PNLIPRP3: variants seen among roughly 807,000 people sequenced by gnomAD.
The protein encoded by PNLIPRP3 is pancreatic lipase related protein 3.
A neutral mutation model predicts 52.8 loss-of-function variants in PNLIPRP3; 58 were observed. That is an observed-to-expected ratio of 1.10 (90% CI 0.89 to 1.37). PNLIPRP3 has a LOEUF of 1.37. Ranked by LOEUF, PNLIPRP3 falls within the 40% of genes most tolerant of loss-of-function variation. The pLI, the probability that PNLIPRP3 is intolerant of heterozygous loss-of-function variation, is 0.00. For synonymous variants in PNLIPRP3, 192 were observed against 185.0 expected (o/e 1.04, Z -0.31); for missense variants, 593 against 561.6 (o/e 1.06, Z -0.57).
chr10:116,443,785 GTA>G (rs755286511), intron 3 of PNLIPRP3, among the ~76,000 whole-genome samples: 1,295 of 18,794 alleles, frequency 0.069, 29 homozygotes, highest in Non-Finnish European at 0.19. Flanking sequence ...GTGTGTGTGT[GTA>G]TGTATGTGTG....
At chr10:116,467,121 G>A (rs1263466701) in intron 8 of PNLIPRP3, among the ~76,000 whole-genome samples, 1 of 152,176 alleles carries the variant, frequency 6.6e-6, no homozygotes, top group African/African-American at 2.4e-5. Context: ...CCAAATTGGA[G>A]TACCCTTAGA....
At chr10:116,469,130 TGA>T (rs1846326028) in intron 8 of PNLIPRP3, 53 bp from the exon 9 acceptor site, 1 of 1,514,660 alleles carries the variant, frequency 6.6e-7, no homozygotes, top group Non-Finnish European at 9.0e-7. Context: ...GCGAGTTTAT[TGA>T]AGGACAACAT....
Position 116,477,265 on chromosome 10 carries a change from A to G in PNLIPRP3, c.*112A>G, listed in dbSNP as rs1846487981. On this transcript the variant is annotated 3_prime_UTR_variant, in exon 12 of 12. Transcript: ENST00000369230. ...CCTTGTAAATGACTTAGTCATTTAC[A>G]AGGGTCTTACTCAGAGTCAAGTACG... is the stretch of plus-strand genomic sequence containing the variant. The G allele has an allele frequency of 3.7e-6, 3 of 821,146 alleles. No individual in the cohort carries two copies. Among genetic ancestry groups the G allele is most frequent in the East Asian group, 5.2e-5 (2 of 38,398 alleles). 50.9% of individuals were successfully genotyped at this position (821,146 alleles called of 1,614,324 possible).
intron 4 of PNLIPRP3, among the ~76,000 whole-genome samples, chr10:116,454,153 C>T (rs1174011106): frequency 1.3e-5 from 2 of 152,022 alleles, no homozygotes; most frequent in Admixed American, 1.3e-4. Flanking sequence ...GAGTTTCGCT[C>T]TGTTGCCCAG....
At position 116,428,005 on chromosome 10, in the gene PNLIPRP3, C is replaced by A; in HGVS notation, c.-8C>A. The A allele has an allele frequency of 6.2e-7, 1 of 1,604,998 alleles. No individual in the cohort carries two copies. Among genetic ancestry groups the A allele is most frequent in the South Asian group, 1.1e-5 (1 of 90,162 alleles). ...AAGATTTTTATGTGATTTAAAAAAT[C>A]AGCTTAGATGCTTGGAATTTGGATT... On this transcript the variant is annotated 5_prime_UTR_variant, in exon 1 of 12. Coordinates refer to ENST00000369230, the MANE Select transcript of PNLIPRP3 (RefSeq NM_001011709.3).
chr10:116,460,678 C>T (rs1410816304), intron 5 of PNLIPRP3, among the ~76,000 whole-genome samples: 1 of 152,020 alleles, frequency 6.6e-6, no homozygotes, highest in Admixed American at 6.6e-5. Context: ...AATTCATAAC[C>T]TTATTGTATA....
chr10:116,441,569 G>A (rs116980477), intron 2 of PNLIPRP3, among the ~76,000 whole-genome samples: 2,192 of 152,234 alleles, frequency 0.014, 24 homozygotes, highest in Non-Finnish European at 0.025. Context: ...TTATTTAGCA[G>A]AAAAATGCTT....
chr10:116,470,171 C>CA (rs35277320), intron 9 of PNLIPRP3, among the ~76,000 whole-genome samples: 147,177 of 152,144 alleles, frequency 0.97, 71,379 homozygotes, highest in East Asian at 1. Flanking sequence ...GCTAGTTTCT[C>CA]CATGTTACGT....
In PNLIPRP3 at chr10:116,476,739, G is replaced by GA. The variant is rs780662433; in HGVS notation, c.1266dup (p.His423ThrfsTer4). 3 of 1,609,892 alleles carry GA rather than the reference G, an allele frequency of 1.9e-6. No individual in the cohort carries two copies. Among genetic ancestry groups the GA allele is most frequent in the Admixed American group, 1.7e-5 (1 of 59,310 alleles). ...ACATTACAAGTGTTCAGTTCATCTGGAAAAAACATTTGTTTGAAGATTCTC... is the reference window on the plus strand; with the variant it reads ...ACATTACAAGTGTTCAGTTCATCTGGAAAAAAACATTTGTTTGAAGATTCTC... On this transcript the variant is annotated frameshift_variant, in exon 11 of 12. Transcript: ENST00000369230. LOFTEE classifies it high-confidence loss of function.
intron 11 of PNLIPRP3, 28 bp from the exon 12 acceptor site, chr10:116,477,062 C>T (rs188371071): frequency 2.1e-5 from 32 of 1,527,476 alleles, no homozygotes; most frequent in Non-Finnish European, 2.7e-5. Flanking sequence ...GGTTAAAATT[C>T]CTTTTTTTTT....
chr10:116,470,885 A>G (rs1846360092), intron 9 of PNLIPRP3, among the ~76,000 whole-genome samples: 1 of 152,128 alleles, frequency 6.6e-6, no homozygotes, highest in Non-Finnish European at 1.5e-5. Context: ...ATTGTGGTCA[A>G]ATGAGACAGG....
Position 116,469,228 on chromosome 10 carries a change from G to T in PNLIPRP3, c.971G>T (p.Gly324Val), listed in dbSNP as rs1280344453. Reference protein sequence around the residue: ...FCSKEGCPTMGHFADRFHFKN... With the variant: ...FCSKEGCPTMVHFADRFHFKN... ...TCCAAAGAAGGTTGCCCAACAATGG[G>T]TCATTTTGCTGATAGATTTCACTTC... The change falls in exon 9 of 12, where the codon GGT (glycine) becomes GTT (valine). Residue 324 changes from glycine to valine, a missense_variant. Transcript: ENST00000369230. The T allele has an allele frequency of 6.2e-7, 1 of 1,612,140 alleles. No homozygotes were observed. Among genetic ancestry groups the T allele is most frequent in the African/African-American group, 1.3e-5 (1 of 74,828 alleles).
chr10:116,451,096 T>G (rs893912022), intron 4 of PNLIPRP3, among the ~76,000 whole-genome samples: 2 of 152,188 alleles, frequency 1.3e-5, no homozygotes, highest in Admixed American at 1.3e-4. Flanking sequence ...AAAGACAGAA[T>G]AGAGATCTCA....
chr10:116,451,451 G>T (rs767519450), intron 4 of PNLIPRP3, among the ~76,000 whole-genome samples: 1 of 152,140 alleles, frequency 6.6e-6, no homozygotes, highest in African/African-American at 2.4e-5. Flanking sequence ...CTTTGGATGC[G>T]TGTCCCCTCC....
At chr10:116,471,669 C>A in intron 9 of PNLIPRP3, 99 bp from the exon 10 acceptor site, 1 of 934,608 alleles carries the variant, frequency 1.1e-6, no homozygotes, top group African/African-American at 1.7e-5. Context: ...TCAAATACAA[C>A]CCTGAAAATT....
At chr10:116,445,943 G>A (rs1226627813) in intron 4 of PNLIPRP3, among the ~76,000 whole-genome samples, 1 of 152,170 alleles carries the variant, frequency 6.6e-6, no homozygotes, top group African/African-American at 2.4e-5. Flanking sequence ...GCTTGGGAAT[G>A]GGGTAGGAAG....
chr10:116,439,988 C>A, intron 2 of PNLIPRP3: 1 of 787,658 alleles, frequency 1.3e-6, no homozygotes. Context: ...CACGTCTGCA[C>A]GAAGAAGGCA....
intron 8 of PNLIPRP3, among the ~76,000 whole-genome samples, chr10:116,467,588 G>A (rs1348933871): frequency 2.0e-5 from 3 of 151,980 alleles, no homozygotes; most frequent in African/African-American, 7.2e-5. Context: ...AATTAAAGAA[G>A]CAAACGACCT....
At chr10:116,435,603 A>G (rs1259503196) in intron 1 of PNLIPRP3, among the ~76,000 whole-genome samples, 4 of 152,192 alleles carry the variant, frequency 2.6e-5, no homozygotes, top group Admixed American at 2.6e-4. Flanking sequence ...TGAGGCTGGA[A>G]TGTGGCCAGT....
Sources: allele counts gnomAD v4.1 joint callset (sites outside exome capture counted in the v4.1 genomes callset), GRCh38; gene constraint gnomAD v4.1.1; transcripts MANE v1.5; gene names NCBI Gene and HGNC (gene_info 2026-07-23, HGNC 2026-07-21).